The following ABCC3 variants were observed in gnomAD, a reference collection of about 807,000 sequenced individuals.
ABCC3 encodes ATP-binding cassette sub-family C member 3.
In ABCC3, 121 loss-of-function variants were observed where a neutral mutation model predicts 165.3. That is an observed-to-expected ratio of 0.73 (90% CI 0.63 to 0.85). ABCC3 has a LOEUF of 0.85. ABCC3 is among the 40% of genes least tolerant of loss of function. The pLI is 0.00. For missense variants in ABCC3, 1,869 were observed against 1,964.1 expected, an observed-to-expected ratio of 0.95 and a Z score of 0.92; for synonymous variants, 733 against 810.1, an observed-to-expected ratio of 0.90 and a Z score of 1.62.
chr17:50,679,911 C>T lies in ABCC3; in HGVS notation c.3807+12C>T, dbSNP rs989845524. On this transcript the variant is annotated intron_variant, in intron 26 of 30. Coordinates refer to ENST00000285238, the MANE Select transcript of ABCC3 (RefSeq NM_003786.4). ...AGACAGAGACAGAGGTGGGTACTGG[C>T]ATGAGCCCGGGACAGGGGGAATCTG... 5 of 1,606,936 alleles carry T rather than the reference C, an allele frequency of 3.1e-6. No homozygotes were observed. Among genetic ancestry groups the T allele is most frequent in the Non-Finnish European group, 2.6e-6 (3 of 1,173,742 alleles).
At chr17:50,662,822 A>G (rs1967422706) in intron 8 of ABCC3, among the ~76,000 whole-genome samples, 1 of 152,070 alleles carries the variant, frequency 6.6e-6, no homozygotes, top group Admixed American at 6.5e-5. Context: ...AGGCCTGGCT[A>G]TGATTATGGC....
intron 7 of ABCC3, among the ~76,000 whole-genome samples, chr17:50,660,655 TG>T (rs1439340610): frequency 6.6e-6 from 1 of 152,064 alleles, no homozygotes; most frequent in Non-Finnish European, 1.5e-5. Context: ...GAGCCAGCAC[TG>T]GGGAGGCGGG....
rs1298832706 is a variant in ABCC3, at chr17:50,656,831, A to G, written c.348+4A>G. The stretch of plus-strand genomic sequence containing the variant: ...CTTGGTGGTGGGGGTCACCATGGTC[A>G]GTGTGGGGCCCTGGGAAAGTGGATG... On this transcript the variant is annotated splice_donor_region_variant and intron_variant, in intron 3 of 30. Coordinates refer to ENST00000285238, the MANE Select transcript of ABCC3 (RefSeq NM_003786.4). 1 of 1,600,338 alleles carries G rather than the reference A, an allele frequency of 6.2e-7. No individual in the cohort carries two copies. Among genetic ancestry groups the G allele is most frequent in the South Asian group, 1.1e-5 (1 of 88,782 alleles).
At position 50,645,371 on chromosome 17, in the gene ABCC3, CAAAAAAAAAAAAAAA is replaced by C. The variant is rs141598761; in HGVS notation, c.45+10404_45+10418del. On this transcript the variant is annotated intron_variant, in intron 1 of 30. Coordinates refer to ENST00000285238, the MANE Select transcript of ABCC3 (RefSeq NM_003786.4). ...CCTGGGCGACAGAGCAAGATTCCATCAAAAAAAAAAAAAAAAAAAAAAAAAAAAGATGGGAGAACT... is the reference window on the plus strand; with the variant it reads ...CCTGGGCGACAGAGCAAGATTCCATCAAAAAAAAAAAAAGATGGGAGAACT... 7.0e-4 allele frequency among the ~76,000 whole-genome samples: 33 copies of C among 46,848 alleles called. 1 individual carries two copies. Among genetic ancestry groups the C allele is most frequent in the African/African-American group, 2.8e-3 (31 of 11,132 alleles). The allele number at this position is 46,848 out of a possible 152,430, so 30.7% of individuals were successfully genotyped here. A position where few individuals can be genotyped will look rare whatever the true frequency, so the allele number is the denominator to read the frequency against.
chr17:50,676,971 G>A (rs533002574), intron 23 of ABCC3, among the ~76,000 whole-genome samples: 5 of 151,298 alleles, frequency 3.3e-5, no homozygotes, highest in East Asian at 1.9e-4. Context: ...TGTAACCTCC[G>A]CCTCCCAGGT....
intron 23 of ABCC3, 92 bp downstream of exon 23, chr17:50,676,680 C>T (rs1967822044): frequency 6.7e-6 from 8 of 1,199,456 alleles, no homozygotes; most frequent in South Asian, 1.5e-5. Flanking sequence ...CACTTCAGGC[C>T]ACCAACATTA....
chr17:50,684,447 T>C (rs1358594430), intron 28 of ABCC3, among the ~76,000 whole-genome samples: 1 of 152,176 alleles, frequency 6.6e-6, no homozygotes, highest in African/African-American at 2.4e-5. Context: ...GGGTATTTTT[T>C]GTTTCTGCCG....
At chr17:50,646,502 C>T (rs1967004614) in intron 1 of ABCC3, among the ~76,000 whole-genome samples, 1 of 152,156 alleles carries the variant, frequency 6.6e-6, no homozygotes, top group Non-Finnish European at 1.5e-5. Context: ...GATGGTACAT[C>T]ATATCATCAT....
At chr17:50,690,209 C>A (rs1196687581) in intron 30 of ABCC3, among the ~76,000 whole-genome samples, 2 of 152,092 alleles carry the variant, frequency 1.3e-5, no homozygotes, top group Non-Finnish European at 2.9e-5. Context: ...GCAGTAGAAC[C>A]AAGATGGGGG....
rs779937043 is a variant in ABCC3, at chr17:50,687,698, A to AC, written c.4444dup (p.His1482ProfsTer4). 6.2e-7 allele frequency: 1 copy of AC among 1,614,194 alleles called. No individual in the cohort carries two copies. Among genetic ancestry groups the AC allele is most frequent in the African/African-American group, 1.3e-5 (1 of 75,046 alleles). ...ATACCTGCACTGTCCTGACCATCGCACACCGGCTTAACACTATCATGGACT... is the reference window on the plus strand; with the variant it reads ...ATACCTGCACTGTCCTGACCATCGCACCACCGGCTTAACACTATCATGGACT... On this transcript the variant is annotated frameshift_variant, in exon 30 of 31. Transcript: ENST00000285238. LOFTEE classifies it high-confidence loss of function.
chr17:50,663,560 G>T (rs1340954977), intron 8 of ABCC3, 121 bp from the exon 9 acceptor site: 5 of 1,182,066 alleles, frequency 4.2e-6, no homozygotes, highest in South Asian at 1.4e-5. Context: ...GAGGTTGGAG[G>T]GGGTGGAGGT....
At chr17:50,672,100 A>G (rs1170507517) in intron 17 of ABCC3, among the ~76,000 whole-genome samples, 1 of 152,144 alleles carries the variant, frequency 6.6e-6, no homozygotes, top group Non-Finnish European at 1.5e-5. Flanking sequence ...CTATTAATCC[A>G]TAAATGGATC....
rs761383079 is a variant in ABCC3 at position 50,657,193 on chromosome 17, G to C, written c.486+10G>C. 5.0e-6 allele frequency: 8 copies of C among 1,612,748 alleles called. No homozygotes were observed. The highest frequency in any genetic ancestry group is 2.2e-5 in the East Asian group (1 of 44,882). On this transcript the variant is annotated intron_variant, in intron 4 of 30. Coordinates refer to ENST00000285238, the MANE Select transcript of ABCC3 (RefSeq NM_003786.4). ...TTTAGCCAAGGCAGAGGTAAGGTTG[G>C]GGGAGAGGGGAACCTGCCAGGTTTA... is the stretch of plus-strand genomic sequence containing the variant.
intron 8 of ABCC3, chr17:50,663,420 G>C: frequency 2.0e-6 from 1 of 502,964 alleles, no homozygotes; most frequent in Non-Finnish European, 3.6e-6. Flanking sequence ...GGCAGGTGAG[G>C]CTGGTGGTGA....
intron 1 of ABCC3, chr17:50,635,771 C>A (rs1201150367): frequency 1.7e-6 from 1 of 594,422 alleles, no homozygotes; most frequent in Non-Finnish European, 3.0e-6. Flanking sequence ...GTAATCCCAC[C>A]CTTTGGGAGG....
chr17:50,644,741 G>A (rs762128538), intron 1 of ABCC3, among the ~76,000 whole-genome samples: 1 of 148,384 alleles, frequency 6.7e-6, no homozygotes, highest in Non-Finnish European at 1.5e-5. Flanking sequence ...AACCAAGGCC[G>A]GGTGCAGTGG....
At chr17:50,674,680 T>C (rs1286971131) in intron 19 of ABCC3, among the ~76,000 whole-genome samples, 1 of 152,158 alleles carries the variant, frequency 6.6e-6, no homozygotes, top group Non-Finnish European at 1.5e-5. Context: ...ACAGACCTTT[T>C]CCTGGGCTTT....
intron 8 of ABCC3, chr17:50,663,466 G>T: frequency 1.7e-6 from 1 of 597,598 alleles, no homozygotes; most frequent in Non-Finnish European, 3.0e-6. Flanking sequence ...AGGGTCCATG[G>T]TGGATAGAGA....
intron 1 of ABCC3, among the ~76,000 whole-genome samples, chr17:50,644,009 A>C (rs185812954): frequency 6.6e-6 from 1 of 152,088 alleles, no homozygotes; most frequent in Non-Finnish European, 1.5e-5. Context: ...GCTGCCCCAG[A>C]TGGGATTAAG....
Sources: allele counts gnomAD v4.1 joint callset (sites outside exome capture counted in the v4.1 genomes callset), GRCh38; gene constraint gnomAD v4.1.1; transcripts MANE v1.5; gene names NCBI Gene and HGNC (gene_info 2026-07-23, HGNC 2026-07-21).